Variants in HIRA observed in about 807,000 individuals in gnomAD.
HIRA encodes the protein histone cell cycle regulator.
A neutral mutation model predicts 126.6 loss-of-function variants in HIRA; 13 were observed. The ratio of observed to expected loss-of-function variants is 0.10; its 90% CI spans 0.07 to 0.16. HIRA has a LOEUF of 0.16. HIRA is among the 10% of genes least tolerant of loss of function. HIRA has a pLI of 1.00. For missense variants in HIRA, 834 were observed against 1,314.4 expected, an observed-to-expected ratio of 0.63 and a Z score of 5.65; for synonymous variants, 511 against 520.0, an observed-to-expected ratio of 0.98 and a Z score of 0.24.
intron 9 of HIRA, among the ~76,000 whole-genome samples, chr22:19,390,761 T>C (rs1371958957): frequency 6.6e-6 from 1 of 152,116 alleles, no homozygotes; most frequent in Admixed American, 6.5e-5. Flanking sequence ...TGTCTTTTTC[T>C]GTGGACATAA....
rs370227781 is a variant in HIRA at position 19,377,852 on chromosome 22, C to A, written c.1613+17G>T. 7.6e-6 allele frequency: 12 copies of A among 1,587,538 alleles called. No individual in the cohort carries two copies. Among genetic ancestry groups the A allele is most frequent in the Non-Finnish European group, 9.4e-6 (11 of 1,165,334 alleles). ...AACTTTCCCCAGGGACAGGAACAAG[C>A]CTTGGCACCCACTAACCTGTCTTTA... is the stretch of plus-strand genomic sequence containing the variant. On this transcript the variant is annotated intron_variant, in intron 14 of 24. Transcript: ENST00000263208.
At chr22:19,373,166 G>C (rs898941024) in intron 15 of HIRA, among the ~76,000 whole-genome samples, 1 of 152,038 alleles carries the variant, frequency 6.6e-6, no homozygotes, top group Non-Finnish European at 1.5e-5. Flanking sequence ...CTTACATTTA[G>C]TTCTTTGTTC....
chr22:19,397,963 C>T (rs778935804), intron 6 of HIRA, 29 bp downstream of exon 6: 3 of 1,558,276 alleles, frequency 1.9e-6, no homozygotes, highest in Middle Eastern at 1.7e-4. Context: ...GTACTGCTTG[C>T]TGTTAACCAG....
At position 19,356,980 on chromosome 22, in the gene HIRA, G is replaced by C. The variant is rs1556012799; in HGVS notation, c.2306C>G (p.Ser769Cys). 1.2e-6 allele frequency: 2 copies of C among 1,613,926 alleles called. No individual in the cohort carries two copies. The highest frequency in any genetic ancestry group is 8.5e-7 in the Non-Finnish European group (1 of 1,179,962). Residue 769 changes from serine to cysteine, a missense_variant, in exon 19 of 25, where the codon TCT (serine) becomes TGT (cysteine). By Grantham distance (112) the Ser-to-Cys change is moderately radical (BLOSUM62 -1). Coordinates refer to ENST00000263208, the MANE Select transcript of HIRA (RefSeq NM_003325.4). ...VFSTCGRRLLSPILLPSPIST... is the reference protein window; with the variant it reads ...VFSTCGRRLLCPILLPSPIST... ...GATCGGGGATGGCAGGAGGATGGGA[G>C]AGAGGAGACGGCGACCACAGGTGGA...
chr22:19,345,959 T>A (rs535671281), intron 24 of HIRA, among the ~76,000 whole-genome samples: 4 of 152,094 alleles, frequency 2.6e-5, no homozygotes, highest in Non-Finnish European at 5.9e-5. Context: ...CAAATCAGAG[T>A]ATATAAAGAG....
chr22:19,401,792 T>C (rs2089270617), intron 5 of HIRA, among the ~76,000 whole-genome samples: 1 of 152,134 alleles, frequency 6.6e-6, no homozygotes, highest in Admixed American at 6.5e-5. Context: ...TCCCTTGTTT[T>C]TCGGAGCGGC....
chr22:19,416,236 A>G (rs906236602), intron 1 of HIRA, among the ~76,000 whole-genome samples: 16 of 152,270 alleles, frequency 1.1e-4, no homozygotes, highest in African/African-American at 3.9e-4. Context: ...AATGGATCAA[A>G]GACCTGCATA....
At chr22:19,331,691 CTG>C in intron 24 of HIRA, 135 bp from the exon 25 acceptor site, 1 of 820,674 alleles carries the variant, frequency 1.2e-6, no homozygotes. Flanking sequence ...AGGTGAGAAA[CTG>C]TGAGAGAGCT....
chr22:19,368,551 C>CA (rs1026806792), intron 15 of HIRA, among the ~76,000 whole-genome samples: 6 of 151,880 alleles, frequency 4.0e-5, no homozygotes, highest in African/African-American at 1.5e-4. Context: ...TTGGAACAGT[C>CA]AAAAATGCTT....
At chr22:19,394,115 A>C (rs1462372851) in intron 8 of HIRA, among the ~76,000 whole-genome samples, 1 of 152,208 alleles carries the variant, frequency 6.6e-6, no homozygotes, top group Non-Finnish European at 1.5e-5. Flanking sequence ...TGGGCACCCC[A>C]AGCATACCTG....
At chr22:19,367,772 A>G (rs986561387) in intron 15 of HIRA, among the ~76,000 whole-genome samples, 1 of 152,208 alleles carries the variant, frequency 6.6e-6, no homozygotes, top group Non-Finnish European at 1.5e-5. Context: ...CTTGGCATGT[A>G]GCAAATTCAG....
intron 24 of HIRA, among the ~76,000 whole-genome samples, chr22:19,341,694 G>A (rs533941967): frequency 6.2e-4 from 94 of 152,226 alleles, no homozygotes; most frequent in Non-Finnish European, 1.2e-3. Context: ...AAAATACAGA[G>A]TGGGGAACAA....
intron 5 of HIRA, chr22:19,405,346 G>T: frequency 6.9e-6 from 2 of 289,942 alleles, no homozygotes; most frequent in Non-Finnish European, 1.0e-5. Flanking sequence ...CATAAAATGT[G>T]CTTCTTTCCA....
intron 20 of HIRA, among the ~76,000 whole-genome samples, 179 bp from the exon 21 acceptor site, chr22:19,356,044 C>G (rs1426207659): frequency 6.6e-6 from 1 of 152,224 alleles, no homozygotes; most frequent in African/African-American, 2.4e-5. Flanking sequence ...CTTTTGTCAC[C>G]TCTTGGGGAC....
At position 19,331,412 on chromosome 22, in the gene HIRA, T is replaced by A. The variant is rs1556004560; in HGVS notation, c.*28A>T. On this transcript the variant is annotated 3_prime_UTR_variant, in exon 25 of 25. Coordinates refer to ENST00000263208, the MANE Select transcript of HIRA (RefSeq NM_003325.4). ...AGCGGCGAGAGTGTGGCCCTGCCCT[T>A]GCTGCAGCCAGGGCAGGCTGGGGCA... The A allele has an allele frequency of 4.3e-6, 7 of 1,613,450 alleles. No individual in the cohort carries two copies. Among genetic ancestry groups the A allele is most frequent in the East Asian group, 2.2e-5 (1 of 44,852 alleles).
intron 24 of HIRA, among the ~76,000 whole-genome samples, chr22:19,348,967 A>G (rs918974855): frequency 6.7e-6 from 1 of 149,550 alleles, no homozygotes. Context: ...TTTTTTTAGT[A>G]GAGTCGGGGT....
chr22:19,351,846 G>A lies in HIRA; in HGVS notation c.2849-400C>T, dbSNP rs531526234. 4.6e-5 allele frequency among the ~76,000 whole-genome samples: 7 copies of A among 152,170 alleles called. No homozygotes were observed. The South Asian group carries it at 1.2e-3, about 27-fold the overall frequency. ...TGAGGGGAGGTCAGGAGGGTGGGAC[G>A]GCCAGCCCGCAGGAGGTAAGAGATG... On this transcript the variant is annotated intron_variant, in intron 23 of 24. Coordinates refer to ENST00000263208, the MANE Select transcript of HIRA (RefSeq NM_003325.4). This position sits in a 1 kb window ranked among gnomAD's most constrained non-coding sequence, Gnocchi z 4.8.
chr22:19,354,041 A>G lies in HIRA; in HGVS notation c.2639T>C (p.Met880Thr), dbSNP rs2088786053. Residue 880 changes from methionine (M) to threonine (T), a missense_variant, in exon 22 of 25, where the codon ATG becomes ACG. Physicochemically the swap from Met to Thr is moderately conservative, Grantham distance 81. Around this residue, in one of 5 missense-constraint regions of HIRA, gnomAD observed 468 missense variants for 574.2 expected, o/e 0.82. Coordinates refer to ENST00000263208, the MANE Select transcript of HIRA (RefSeq NM_003325.4). ...FRSSLPSQDA[M>T]LCSGPLAIIQ... Reference sequence around the variant, plus strand: ...TATGGCTAACGGTCCTGAGCACAGCATGGCGTCCTGGGATGGCAGGCTGCT... The same window carrying G: ...TATGGCTAACGGTCCTGAGCACAGCGTGGCGTCCTGGGATGGCAGGCTGCT... 1 of 1,613,498 alleles carries G rather than the reference A, an allele frequency of 6.2e-7. No individual in the cohort carries two copies. Among genetic ancestry groups the G allele is most frequent in the Non-Finnish European group, 8.5e-7 (1 of 1,179,820 alleles).
chr22:19,359,505 G>T (rs755363675), intron 17 of HIRA, 21 bp from the exon 18 acceptor site: 1 of 1,580,116 alleles, frequency 6.3e-7, no homozygotes. Context: ...TAAACACACG[G>T]GTCTGCTCAG....
Sources: gnomAD v4.1 joint callset for allele counts (sites outside exome capture counted in the v4.1 genomes callset) on GRCh38, gnomAD v4.1.1 for gene constraint, gnomAD v4.1.1 regional missense constraint, Gnocchi (gnomAD v3.1) non-coding constraint, MANE v1.5 for transcripts, NCBI Gene and HGNC (gene_info 2026-07-23, HGNC 2026-07-21) for gene names.